The following PDGFD variants were observed in gnomAD, a reference collection of about 807,000 sequenced individuals.
The protein encoded by PDGFD is platelet derived growth factor D, also known as platelet-derived growth factor D.
Under a neutral mutation model 44.7 loss-of-function variants are expected in PDGFD, and 30 were observed. The ratio of observed to expected loss-of-function variants is 0.67; its 90% confidence interval spans 0.50 to 0.91. PDGFD has a LOEUF of 0.91. Ranked by LOEUF, PDGFD falls within the 40% of genes least tolerant of loss-of-function variation. The probability of loss-of-function intolerance (pLI) is 0.00; values close to 1 mark genes in which losing one functional copy is unlikely to be tolerated. For synonymous variants in PDGFD, 173 were observed against 168.4 expected (o/e 1.03, Z -0.21); for missense variants, 445 against 457.8 (o/e 0.97, Z 0.25).
chr11:104,022,795 G>T (rs186098376), intron 1 of PDGFD, among the ~76,000 whole-genome samples: 2 of 151,792 alleles, frequency 1.3e-5, no homozygotes, highest in South Asian at 4.1e-4. Flanking sequence ...GTGTGTGTGT[G>T]TACATAGATA....
At chr11:103,991,185 T>A (rs1005034241) in intron 3 of PDGFD, among the ~76,000 whole-genome samples, 6 of 152,070 alleles carry the variant, frequency 3.9e-5, no homozygotes, top group Non-Finnish European at 7.4e-5. Flanking sequence ...GATGCTCACC[T>A]TTATTTTGCT....
At chr11:104,114,709 T>C (rs766929425) in intron 1 of PDGFD, among the ~76,000 whole-genome samples, 1 of 152,040 alleles carries the variant, frequency 6.6e-6, no homozygotes, top group African/African-American at 2.4e-5. Context: ...ATTGACAATA[T>C]TGAATCTTCC....
At chr11:104,010,630 A>G (rs1859770112) in intron 1 of PDGFD, among the ~76,000 whole-genome samples, 1 of 152,118 alleles carries the variant, frequency 6.6e-6, no homozygotes. Context: ...TCTAATTTTT[A>G]GAATATTTGA....
intron 1 of PDGFD, among the ~76,000 whole-genome samples, chr11:104,092,803 ACC>A (rs1861230115): frequency 1.3e-5 from 2 of 152,320 alleles, no homozygotes; most frequent in Admixed American, 1.3e-4. Context: ...AGTAGTGATT[ACC>A]CAGAAGAAAA....
chr11:103,910,277 A>C (rs1012160311), intron 6 of PDGFD, among the ~76,000 whole-genome samples: 1 of 152,246 alleles, frequency 6.6e-6, no homozygotes, highest in African/African-American at 2.4e-5. Context: ...CTTTGGTTGA[A>C]GTAAAACATG....
At chr11:104,124,306 G>T (rs1861814699) in intron 1 of PDGFD, among the ~76,000 whole-genome samples, 1 of 152,038 alleles carries the variant, frequency 6.6e-6, no homozygotes, top group African/African-American at 2.4e-5. Context: ...ATTTCTAGGA[G>T]GTATACTCCA....
intron 3 of PDGFD, among the ~76,000 whole-genome samples, chr11:103,985,359 C>T (rs1028771085): frequency 1.3e-5 from 2 of 150,858 alleles, no homozygotes; most frequent in Non-Finnish European, 2.9e-5. Context: ...ACCACCATGC[C>T]TAAATTATTG....
intron 1 of PDGFD, among the ~76,000 whole-genome samples, chr11:104,109,201 TAA>T (rs141730351): frequency 3.4e-5 from 5 of 148,212 alleles, no homozygotes; most frequent in African/African-American, 1.2e-4. Context: ...AAAGTATAAT[TAA>T]AAAAAAAAGA....
At chr11:104,025,445 T>C (rs1344857655) in intron 1 of PDGFD, among the ~76,000 whole-genome samples, 2 of 152,242 alleles carry the variant, frequency 1.3e-5, no homozygotes, top group East Asian at 3.9e-4. Flanking sequence ...GGATAAAATA[T>C]AAAACCCTCC....
chr11:104,004,845 C>T (rs1006120252), intron 1 of PDGFD, among the ~76,000 whole-genome samples: 2 of 143,746 alleles, frequency 1.4e-5, no homozygotes, highest in Non-Finnish European at 3.0e-5. Context: ...ATATTTATAA[C>T]GACTTTGAGA....
At chr11:104,147,120 A>C (rs1246572371) in intron 1 of PDGFD, among the ~76,000 whole-genome samples, 1 of 152,164 alleles carries the variant, frequency 6.6e-6, no homozygotes, top group Non-Finnish European at 1.5e-5. Context: ...TGACACATAT[A>C]AGGTTGTTGA....
intron 1 of PDGFD, among the ~76,000 whole-genome samples, chr11:104,149,224 A>C (rs1442506442): frequency 6.6e-6 from 1 of 152,172 alleles, no homozygotes; most frequent in Non-Finnish European, 1.5e-5. Context: ...TGTCATCTAT[A>C]GGTTATTGGA....
chr11:104,141,746 T>C (rs569235515), intron 1 of PDGFD, among the ~76,000 whole-genome samples: 1 of 152,138 alleles, frequency 6.6e-6, no homozygotes, highest in Admixed American at 6.5e-5. Flanking sequence ...AATGTGACCA[T>C]GAAGGCAGAA....
At chr11:103,924,138 G>C (rs1038597310) in intron 6 of PDGFD, among the ~76,000 whole-genome samples, 8 of 152,150 alleles carry the variant, frequency 5.3e-5, no homozygotes, top group Non-Finnish European at 1.2e-4. Flanking sequence ...GGTTCACTCT[G>C]CTCTTCCCAC....
Position 103,943,494 on chromosome 11 carries a change from G to C in PDGFD, c.730C>G (p.Pro244Ala). The change falls in exon 5 of 7, where the codon CCT (proline) becomes GCT (alanine). Residue 244 changes from proline (P) to alanine (A), a missense_variant. By Grantham distance (27) the Pro-to-Ala change is conservative. Transcript: ENST00000393158. ...EDLENMYLDT[P>A]RYRGRSYHDR... is the part of the protein sequence containing the mutation. ...TGGTATGACCTGCCTCGATACCGAG[G>C]GGTGTCCAGATACATATTCTCAAGA... 1 of 1,613,108 alleles carries C rather than the reference G, an allele frequency of 6.2e-7. No homozygotes were observed. Among genetic ancestry groups the C allele is most frequent in the Non-Finnish European group, 8.5e-7 (1 of 1,179,548 alleles).
intron 3 of PDGFD, among the ~76,000 whole-genome samples, chr11:103,992,413 G>A (rs1428082339): frequency 2.0e-5 from 3 of 152,144 alleles, no homozygotes; most frequent in Non-Finnish European, 2.9e-5. Flanking sequence ...ATCATTTATT[G>A]AACACTTAAT....
At chr11:104,012,810 T>G (rs1859803059) in intron 1 of PDGFD, among the ~76,000 whole-genome samples, 1 of 152,218 alleles carries the variant, frequency 6.6e-6, no homozygotes, top group African/African-American at 2.4e-5. Context: ...TACTGTAATA[T>G]TTAGAGCTAT....
chr11:104,139,873 TAAAAAAAAAAAA>T lies in PDGFD; in HGVS notation c.124+23919_124+23930del, dbSNP rs1193661913. ...TAACAAGGTGAAACCCCGTCTCTAC[TAAAAAAAAAAAA>T]AAAAAAAAAAAAAAAATACAAAAAA... On this transcript the variant is annotated intron_variant, in intron 1 of 6. Transcript: ENST00000393158. 2.0e-4 allele frequency among the ~76,000 whole-genome samples: 4 copies of T among 19,866 alleles called. 2 individuals are homozygous for T. The highest frequency in any genetic ancestry group is 2.8e-3 in the South Asian group (2 of 702). 13.0% of individuals were successfully genotyped at this position (19,866 alleles called of 152,430 possible).
intron 3 of PDGFD, among the ~76,000 whole-genome samples, chr11:103,981,246 T>C (rs1331249306): frequency 6.6e-6 from 1 of 151,662 alleles, no homozygotes; most frequent in Non-Finnish European, 1.5e-5. Context: ...TGTAATGCTC[T>C]ATGCCATCTT....
Sources: gnomAD v4.1 joint callset for allele counts (sites outside exome capture counted in the v4.1 genomes callset) on GRCh38, gnomAD v4.1.1 for gene constraint, MANE v1.5 for transcripts, NCBI Gene and HGNC (gene_info 2026-07-23, HGNC 2026-07-21) for gene names.